EMSY: variants seen among roughly 807,000 people sequenced by gnomAD.
EMSY encodes the protein BRCA2-interacting transcriptional repressor EMSY.
In EMSY, 26 loss-of-function variants were observed where a neutral mutation model predicts 134.6. The observed-to-expected ratio is 0.19, with a 90% CI of 0.14 to 0.27. The LOEUF is 0.27. EMSY is among the 10% of genes least tolerant of loss of function. The pLI, the probability that EMSY is intolerant of heterozygous loss-of-function variation, is 1.00. For missense variants in EMSY, 1,305 were observed against 1,611.4 expected (o/e 0.81, Z 3.26); for synonymous variants, 579 against 577.8 (o/e 1.00, Z -0.03).
intron 2 of EMSY, among the ~76,000 whole-genome samples, chr11:76,451,339 A>G (rs1198475670): frequency 1.3e-5 from 2 of 152,226 alleles, no homozygotes; most frequent in Non-Finnish European, 2.9e-5. Context: ...TGAATGTCAC[A>G]TAACTAATAA....
At chr11:76,494,831 G>A (rs1377859454) in intron 8 of EMSY, among the ~76,000 whole-genome samples, 1 of 151,734 alleles carries the variant, frequency 6.6e-6, no homozygotes, top group African/African-American at 2.4e-5. Context: ...TGCTTCCCAG[G>A]TTCAAGAGAT....
chr11:76,475,493 G>GC (rs1948738641), intron 8 of EMSY, among the ~76,000 whole-genome samples: 1 of 152,102 alleles, frequency 6.6e-6, no homozygotes, highest in Admixed American at 6.5e-5. Context: ...ATCTCTTTGA[G>GC]CCTTAAGTAA....
At chr11:76,473,954 C>T (rs930785136) in intron 8 of EMSY, among the ~76,000 whole-genome samples, 1 of 151,844 alleles carries the variant, frequency 6.6e-6, no homozygotes, top group African/African-American at 2.4e-5. Flanking sequence ...GCCTGGTGAA[C>T]ATGGCTGTAC....
exon 5 of EMSY, chr11:76,458,294 T>C: frequency 6.2e-7 from 1 of 1,614,068 alleles, no homozygotes; most frequent in Non-Finnish European, 8.5e-7. Flanking sequence ...CTAATGCTGT[T>C]GCTAATGCAG....
At chr11:76,475,357 A>C (rs1245603576) in intron 8 of EMSY, among the ~76,000 whole-genome samples, 1 of 152,220 alleles carries the variant, frequency 6.6e-6, no homozygotes, top group East Asian at 1.9e-4. Flanking sequence ...TACTAATAAA[A>C]TATCTTGAAG....
intron 14 of EMSY, among the ~76,000 whole-genome samples, chr11:76,530,646 A>G (rs1951006789): frequency 6.6e-6 from 1 of 152,174 alleles, no homozygotes; most frequent in Admixed American, 6.5e-5. Flanking sequence ...AAATTTCACA[A>G]TTTAGAATAG....
At position 76,509,815 on chromosome 11, in the gene EMSY, G is replaced by A. The variant is rs150246260; in HGVS notation, c.1364-3571G>A. 6.9e-4 allele frequency among the ~76,000 whole-genome samples: 105 copies of A among 152,338 alleles called. No individual in the cohort carries two copies. The Middle Eastern group carries it at 0.014, about 20-fold the overall frequency. On this transcript the variant is annotated intron_variant, in intron 9 of 20. Coordinates refer to ENST00000334736, the Ensembl canonical transcript of EMSY. ...TTTTGTTAATGGCAAGGGAGAACTA[G>A]ACAGAGGACAAGGAAAGAGGACAAG... is the stretch of plus-strand genomic sequence containing the variant.
chr11:76,505,362 AT>A (rs372496170), intron 9 of EMSY, among the ~76,000 whole-genome samples: 66 of 126,748 alleles, frequency 5.2e-4, no homozygotes, highest in African/African-American at 7.0e-4. Context: ...CGCCCGGCTA[AT>A]TTTTTTTTTT....
chr11:76,456,587 G>T (rs1366571874), intron 4 of EMSY, among the ~76,000 whole-genome samples: 1 of 152,130 alleles, frequency 6.6e-6, no homozygotes, highest in Non-Finnish European at 1.5e-5. Context: ...GAGCTTTTCT[G>T]TTTCTTTCTT....
intron 6 of EMSY, among the ~76,000 whole-genome samples, chr11:76,463,491 C>T: frequency 6.6e-6 from 1 of 151,928 alleles, no homozygotes; most frequent in Non-Finnish European, 1.5e-5. Flanking sequence ...GGCGCGGTGG[C>T]GGGTGCCTGT....
intron 2 of EMSY, among the ~76,000 whole-genome samples, chr11:76,447,319 G>T (rs1229231584): frequency 6.6e-6 from 1 of 152,150 alleles, no homozygotes; most frequent in Non-Finnish European, 1.5e-5. Context: ...AAGCCTAAAA[G>T]GTAGGTGTTT....
chr11:76,490,976 C>T (rs928457915), intron 8 of EMSY, among the ~76,000 whole-genome samples: 1 of 152,098 alleles, frequency 6.6e-6, no homozygotes, highest in African/African-American at 2.4e-5. Context: ...CTTGTTTCCT[C>T]TCTCTCTGAT....
chr11:76,458,813 C>CA (rs952161224), intron 5 of EMSY: 4 of 152,474 alleles, frequency 2.6e-5, no homozygotes, highest in Admixed American at 1.3e-4. Flanking sequence ...CATTCCCTGG[C>CA]AGAAGGGTTT....
chr11:76,516,353 C>A, intron 11 of EMSY, 41 bp downstream of exon 12: 1 of 1,378,322 alleles, frequency 7.3e-7, no homozygotes, highest in Non-Finnish European at 9.7e-7. Flanking sequence ...AGGTGGCCTT[C>A]ATTGAGAGGA....
chr11:76,526,878 T>G (rs1311285065), intron 13 of EMSY, among the ~76,000 whole-genome samples: 2 of 152,154 alleles, frequency 1.3e-5, no homozygotes, highest in Admixed American at 1.3e-4. Context: ...AATAATTACC[T>G]AGGAATACAA....
intron 4 of EMSY, among the ~76,000 whole-genome samples, chr11:76,456,862 C>T (rs1183104681): frequency 1.3e-5 from 2 of 152,118 alleles, no homozygotes; most frequent in East Asian, 1.9e-4. Flanking sequence ...AATTCAACAG[C>T]ACTATCCAGT....
chr11:76,483,958 A>G (rs1052743686), intron 8 of EMSY, among the ~76,000 whole-genome samples: 6 of 152,192 alleles, frequency 3.9e-5, no homozygotes, highest in African/African-American at 1.4e-4. Context: ...TCTTCTCAGC[A>G]CCACATCACA....
At chr11:76,504,630 A>G (rs1216978084) in intron 9 of EMSY, among the ~76,000 whole-genome samples, 1 of 152,190 alleles carries the variant, frequency 6.6e-6, no homozygotes, top group Non-Finnish European at 1.5e-5. Flanking sequence ...TTTATCAAAC[A>G]ATTAAATTAA....
At chr11:76,451,141 A>G (rs950447771) in intron 2 of EMSY, among the ~76,000 whole-genome samples, 1 of 152,130 alleles carries the variant, frequency 6.6e-6, no homozygotes, top group Non-Finnish European at 1.5e-5. Flanking sequence ...AGAGAGTGCA[A>G]TGAAGATGTC....
Sources: allele counts gnomAD v4.1 joint callset (sites outside exome capture counted in the v4.1 genomes callset), GRCh38; gene constraint gnomAD v4.1.1; transcripts MANE v1.5; gene names NCBI Gene and HGNC (gene_info 2026-07-23, HGNC 2026-07-21).